Variants in PPA2 observed in about 807,000 individuals in gnomAD.
PPA2 encodes inorganic pyrophosphatase 2, mitochondrial.
Under a neutral mutation model 49.5 loss-of-function variants are expected in PPA2, and 48 were observed. That is an observed-to-expected ratio of 0.97 (90% CI 0.77 to 1.23). PPA2 has a LOEUF of 1.23. Among genes scored for constraint, PPA2 ranks in the 50% most tolerant of loss-of-function variants. The pLI is 0.00. For synonymous variants in PPA2, 131 were observed against 139.9 expected (o/e 0.94, Z 0.45); for missense variants, 429 against 410.1 (o/e 1.05, Z -0.40).
intron 3 of PPA2, 78 bp from the exon 4 acceptor site, chr4:105,449,481 T>G: frequency 2.4e-6 from 2 of 845,588 alleles, no homozygotes; most frequent in Non-Finnish European, 3.8e-6. Context: ...CTTATAAGAA[T>G]ACCTTAGATG....
intron 1 of PPA2, chr4:105,473,497 C>T (rs1347382889): frequency 7.0e-6 from 3 of 431,100 alleles, no homozygotes; most frequent in Non-Finnish European, 1.3e-5. Context: ...GGCGTGTGGG[C>T]GGGCTCTGCC....
At chr4:105,380,831 T>A (rs991968005) in intron 10 of PPA2, among the ~76,000 whole-genome samples, 1 of 152,098 alleles carries the variant, frequency 6.6e-6, no homozygotes, top group East Asian at 1.9e-4. Context: ...CTCTTATCAA[T>A]AGACATGTAA....
At chr4:105,449,449 T>G in intron 3 of PPA2, 46 bp from the exon 4 acceptor site, 1 of 1,306,068 alleles carries the variant, frequency 7.7e-7, no homozygotes, top group Non-Finnish European at 1.1e-6. Context: ...AAATTTTACC[T>G]TTTATTTTTT....
At chr4:105,378,977 A>G (rs1460515416) in intron 10 of PPA2, among the ~76,000 whole-genome samples, 1 of 152,116 alleles carries the variant, frequency 6.6e-6, no homozygotes, top group Non-Finnish European at 1.5e-5. Context: ...AGGTTAGACT[A>G]TTCTAGGTCC....
intron 10 of PPA2, among the ~76,000 whole-genome samples, chr4:105,379,703 G>A (rs963073478): frequency 1.5e-4 from 22 of 148,142 alleles, no homozygotes; most frequent in Non-Finnish European, 2.4e-4. Flanking sequence ...GCGCGATCTC[G>A]GCTCACTGCA....
At chr4:105,403,240 T>G (rs1578822894) in intron 7 of PPA2, among the ~76,000 whole-genome samples, 1 of 152,172 alleles carries the variant, frequency 6.6e-6, no homozygotes, top group African/African-American at 2.4e-5. Context: ...TTTGTTTTAG[T>G]TGCTTTGTTG....
intron 5 of PPA2, among the ~76,000 whole-genome samples, chr4:105,441,633 A>G (rs555040840): frequency 6.6e-6 from 1 of 152,256 alleles, no homozygotes; most frequent in African/African-American, 2.4e-5. Context: ...GTATATAAGT[A>G]TATTTACTAT....
chr4:105,371,691 C>A (rs1214211560), intron 10 of PPA2, among the ~76,000 whole-genome samples: 2 of 152,136 alleles, frequency 1.3e-5, no homozygotes, highest in African/African-American at 4.8e-5. Flanking sequence ...AAGTCTGAGG[C>A]AGAGGTCCAA....
At chr4:105,400,033 T>C (rs1734296664) in intron 7 of PPA2, among the ~76,000 whole-genome samples, 1 of 152,146 alleles carries the variant, frequency 6.6e-6, no homozygotes, top group South Asian at 2.1e-4. Flanking sequence ...AGTTAGCAGA[T>C]CCACTGTCTT....
rs1225262189 is a variant in PPA2, at chr4:105,369,800, A to T, written c.977-47T>A. On this transcript the variant is annotated intron_variant, in intron 11 of 11. Coordinates refer to ENST00000341695, the MANE Select transcript of PPA2 (RefSeq NM_176869.3). ...AGGGTATTAGGGAAGGGATAAGAGG[A>T]GGGAGAAGGGAGTGATTAATCAAAT... 4 of 1,482,504 alleles carry T rather than the reference A, an allele frequency of 2.7e-6. No individual in the cohort carries two copies. In the East Asian group the frequency reaches 9.1e-5, roughly 34 times the overall value. 91.8% of individuals were successfully genotyped at this position (1,482,504 alleles called of 1,614,324 possible). A position where few individuals can be genotyped will look rare whatever the true frequency, so the allele number is the denominator to read the frequency against.
intron 2 of PPA2, 41 bp downstream of exon 2, chr4:105,456,640 G>A (rs754381659): frequency 1.4e-6 from 2 of 1,467,876 alleles, no homozygotes; most frequent in Non-Finnish European, 1.9e-6. Flanking sequence ...GGTGATACTG[G>A]CAGTACACGT....
At chr4:105,387,690 T>G (rs1180349339) in intron 9 of PPA2, among the ~76,000 whole-genome samples, 4 of 151,520 alleles carry the variant, frequency 2.6e-5, no homozygotes, top group Admixed American at 6.6e-5. Flanking sequence ...TAAGACTAAG[T>G]TTTTTTTGCC....
chr4:105,460,121 CCTCTGCA>C (rs1216298631), intron 1 of PPA2, among the ~76,000 whole-genome samples: 2 of 152,114 alleles, frequency 1.3e-5, no homozygotes, highest in Non-Finnish European at 2.9e-5. Flanking sequence ...CACAGTAAGC[CCTCTGCA>C]TCTGCAGATT....
intron 7 of PPA2, among the ~76,000 whole-genome samples, chr4:105,408,330 G>A (rs1722583270): frequency 6.6e-6 from 1 of 152,046 alleles, no homozygotes; most frequent in Non-Finnish European, 1.5e-5. Context: ...CAGTGTGCAT[G>A]GCTAGGAAAA....
intron 9 of PPA2, among the ~76,000 whole-genome samples, chr4:105,395,324 G>A (rs1230411422): frequency 6.6e-6 from 1 of 150,482 alleles, no homozygotes; most frequent in Non-Finnish European, 1.5e-5. Flanking sequence ...TTCCCAGACT[G>A]TGCTCAGAGA....
intron 3 of PPA2, 57 bp from the exon 4 acceptor site, chr4:105,449,460 C>A: frequency 9.3e-7 from 1 of 1,080,582 alleles, no homozygotes; most frequent in Non-Finnish European, 1.4e-6. Context: ...TTTATTTTTT[C>A]CGTTACCTCC....
At chr4:105,386,698 C>T (rs973728938) in intron 9 of PPA2, 62 bp from the exon 10 acceptor site, 3 of 1,386,128 alleles carry the variant, frequency 2.2e-6, no homozygotes, top group Non-Finnish European at 3.0e-6. Flanking sequence ...ACCAAAAAAA[C>T]CCCAAAAACT....
intron 10 of PPA2, among the ~76,000 whole-genome samples, chr4:105,379,450 T>TAGAC (rs939983129): frequency 2.0e-5 from 2 of 101,858 alleles, no homozygotes; most frequent in African/African-American, 5.9e-5. Context: ...GATAGATAGA[T>TAGAC]AGATAGATAG....
chr4:105,448,203 G>T, intron 4 of PPA2: 2 of 220,386 alleles, frequency 9.1e-6, no homozygotes, highest in Non-Finnish European at 1.9e-5. Context: ...AGGTAGACTA[G>T]CAAGAATGAT....
Sources: allele counts gnomAD v4.1 joint callset (sites outside exome capture counted in the v4.1 genomes callset), GRCh38; gene constraint gnomAD v4.1.1; transcripts MANE v1.5; gene names NCBI Gene and HGNC (gene_info 2026-07-23, HGNC 2026-07-21).